Variants in BIVM observed in about 807,000 individuals in gnomAD.
BIVM encodes the protein basic, immunoglobulin-like variable motif containing, also known as basic immunoglobulin-like variable motif-containing protein.
In BIVM, 31 loss-of-function variants were observed where a neutral mutation model predicts 61.4. The observed-to-expected ratio is 0.51, with a 90% CI of 0.38 to 0.68. The LOEUF (loss-of-function observed/expected upper bound fraction) is 0.68, where lower values mean the gene tolerates loss of function less well. BIVM is among the 30% of genes least tolerant of loss of function. The pLI is 0.00. For missense variants in BIVM, 526 were observed against 596.0 expected (o/e 0.88, Z 1.22); for synonymous variants, 189 against 210.7 (o/e 0.90, Z 0.89).
At position 102,821,120 on chromosome 13, in the gene BIVM, T is replaced by A; in HGVS notation, c.689T>A (p.Met230Lys). 1 of 1,612,386 alleles carries A rather than the reference T, an allele frequency of 6.2e-7. No individual in the cohort carries two copies. Among genetic ancestry groups the A allele is most frequent in the Non-Finnish European group, 8.5e-7 (1 of 1,179,604 alleles). ...TGTTGGAATTTCTTATACAGCACAA[T>A]GGGAGCTGGAAAGTAAGTATGTCAA... ...ISCWNFLYST[M>K]GAGNLPPITQ... The change falls in exon 5 of 11, where the codon ATG becomes AAG. Residue 230 changes from methionine (M) to lysine (K), a missense_variant. Physicochemically the swap from Met to Lys is moderately conservative, Grantham distance 95. Coordinates refer to ENST00000257336, the MANE Select transcript of BIVM (RefSeq NM_017693.4).
chr13:102,824,686 G>A (rs1289694336), intron 7 of BIVM, among the ~76,000 whole-genome samples: 1 of 152,096 alleles, frequency 6.6e-6, no homozygotes, highest in African/African-American at 2.4e-5. Flanking sequence ...CTTACTGATG[G>A]ACCTGAAATT....
At chr13:102,838,332 T>C (rs1881621947) in intron 9 of BIVM, among the ~76,000 whole-genome samples, 1 of 152,262 alleles carries the variant, frequency 6.6e-6, no homozygotes, top group African/African-American at 2.4e-5. Context: ...TGGACTTGAC[T>C]GTAATTGAAA....
chr13:102,799,149 C>A lies in BIVM; in HGVS notation c.-579C>A, dbSNP rs957223369. On this transcript the variant is annotated 5_prime_UTR_variant, in exon 1 of 11. Transcript: ENST00000257336. ...GCGACAGGACGAGCGGAAATACTGC[C>A]AGGATTTTACCACCTCTCGCCCATT... is the stretch of plus-strand genomic sequence containing the variant. 1 of 394,086 alleles carries A rather than the reference C, an allele frequency of 2.5e-6. No individual in the cohort carries two copies. The highest frequency in any genetic ancestry group is 2.1e-5 in the African/African-American group (1 of 48,478). The allele number at this position is 394,086 out of a possible 1,614,324, so 24.4% of individuals were successfully genotyped here.
chr13:102,833,164 C>A (rs552550056), intron 8 of BIVM, among the ~76,000 whole-genome samples: 2 of 151,694 alleles, frequency 1.3e-5, no homozygotes, highest in East Asian at 1.9e-4. Flanking sequence ...GAGGCTGAGA[C>A]GGGAGGATCG....
chr13:102,804,556 C>T (rs555794163), intron 1 of BIVM, among the ~76,000 whole-genome samples: 3 of 152,320 alleles, frequency 2.0e-5, no homozygotes, highest in African/African-American at 7.2e-5. Context: ...CATGATCCAC[C>T]CGCCTCGGCC....
rs574196907 is a variant in BIVM, at chr13:102,815,724, T to C, written c.479-704T>C. 5.3e-5 allele frequency among the ~76,000 whole-genome samples: 8 copies of C among 152,302 alleles called. No individual in the cohort carries two copies. In the South Asian group the frequency reaches 1.7e-3, roughly 32 times the overall value. On this transcript the variant is annotated intron_variant, in intron 3 of 10. Coordinates refer to ENST00000257336, the MANE Select transcript of BIVM (RefSeq NM_017693.4). ...CTCCCTTCCCCAGTAGTAACCACTG[T>C]TGTTTGCCTTGAGGGTCTTTTGGAG...
At chr13:102,822,483 C>A (rs182207573) in intron 7 of BIVM, among the ~76,000 whole-genome samples, 2 of 152,246 alleles carry the variant, frequency 1.3e-5, no homozygotes, top group Admixed American at 1.3e-4. Context: ...TGTGTACGCG[C>A]ACATGCTAGT....
chr13:102,821,654 A>T, intron 5 of BIVM, 89 bp from the exon 6 acceptor site: 1 of 1,104,344 alleles, frequency 9.1e-7, no homozygotes, highest in Non-Finnish European at 1.3e-6. Flanking sequence ...ATTATTTGCA[A>T]ATCAGACAAG....
chr13:102,801,929 C>T (rs1878777228), intron 1 of BIVM, among the ~76,000 whole-genome samples: 1 of 151,544 alleles, frequency 6.6e-6, no homozygotes. Context: ...GTAAGGGAGA[C>T]AGTATTGGGA....
intron 4 of BIVM, among the ~76,000 whole-genome samples, chr13:102,819,223 G>C (rs767399223): frequency 3.1e-4 from 47 of 152,228 alleles, no homozygotes; most frequent in Non-Finnish European, 1.5e-4. Context: ...ATAGGGGAAA[G>C]GGGTAAAAGG....
intron 1 of BIVM, among the ~76,000 whole-genome samples, chr13:102,802,448 A>C (rs182404177): frequency 3.9e-5 from 6 of 152,238 alleles, no homozygotes; most frequent in Non-Finnish European, 5.9e-5. Flanking sequence ...GGATTTGGGT[A>C]ATTTCCATTT....
In BIVM at chr13:102,807,716, G is replaced by C; in HGVS notation, c.449G>C (p.Gly150Ala). 1 of 1,612,224 alleles carries C rather than the reference G, an allele frequency of 6.2e-7. No individual in the cohort carries two copies. The highest frequency in any genetic ancestry group is 8.5e-7 in the Non-Finnish European group (1 of 1,179,044). The change falls in exon 3 of 11, where the codon GGG becomes GCG. Residue 150 changes from glycine to alanine, a missense_variant. Around this residue, in one of 3 missense-constraint regions of BIVM, gnomAD observed 312 missense variants for 343.8 expected, o/e 0.91. Coordinates refer to ENST00000257336, the MANE Select transcript of BIVM (RefSeq NM_017693.4). The surrounding 1 kb of genome is among the most constrained non-coding windows in gnomAD (Gnocchi z 4.0). ...AWEIDKSEFD[G>A]VTTNSKHKSG... ...GAAATTGATAAATCTGAATTTGATG[G>C]GGTGACCACAAATTCGAAACACAAA...
intron 7 of BIVM, among the ~76,000 whole-genome samples, chr13:102,827,482 T>A (rs1449338111): frequency 6.6e-6 from 1 of 152,192 alleles, no homozygotes; most frequent in East Asian, 1.9e-4. Context: ...AATATTCGAC[T>A]TTTTACTGCT....
chr13:102,823,165 T>C (rs2139211663), intron 7 of BIVM, among the ~76,000 whole-genome samples: 1 of 152,266 alleles, frequency 6.6e-6, no homozygotes, highest in African/African-American at 2.4e-5. Flanking sequence ...AAGTCTAAGG[T>C]CCAGGCCTGT....
At chr13:102,810,261 G>A (rs765647695) in intron 3 of BIVM, among the ~76,000 whole-genome samples, 6 of 152,086 alleles carry the variant, frequency 3.9e-5, no homozygotes, top group Non-Finnish European at 7.4e-5. Context: ...AGCCACCCCT[G>A]CTCTCTTCTG....
intron 8 of BIVM, among the ~76,000 whole-genome samples, chr13:102,833,461 G>T (rs1881261082): frequency 6.6e-6 from 1 of 151,394 alleles, no homozygotes; most frequent in Non-Finnish European, 1.5e-5. Flanking sequence ...CTGAGTAGCT[G>T]GAACTACAGG....
Position 102,807,589 on chromosome 13 carries a change from A to G in BIVM, c.322A>G (p.Arg108Gly), listed in dbSNP as rs1038722578. 12 of 1,614,106 alleles carry G rather than the reference A, an allele frequency of 7.4e-6. No individual in the cohort carries two copies. Among genetic ancestry groups the G allele is most frequent in the East Asian group, 2.2e-5 (1 of 44,900 alleles). ...TTTATCTGCTGGAAATAATTCATCA[A>G]GATACATTGGTATCCCGACTAGTAC... ...TSLSAGNNSSRYIGIPTSTSE... is the reference protein window; with the variant it reads ...TSLSAGNNSSGYIGIPTSTSE... The change falls in exon 3 of 11, where the codon AGA (arginine) becomes GGA (glycine). Residue 108 changes from arginine to glycine, a missense_variant. Coordinates refer to ENST00000257336, the MANE Select transcript of BIVM (RefSeq NM_017693.4). The surrounding 1 kb of genome is among the most constrained non-coding windows in gnomAD (Gnocchi z 4.0).
chr13:102,803,539 G>T (rs1878875195), intron 1 of BIVM, among the ~76,000 whole-genome samples: 1 of 151,974 alleles, frequency 6.6e-6, no homozygotes, highest in Non-Finnish European at 1.5e-5. Flanking sequence ...GTCACACAGA[G>T]AGCTGGTCCC....
In BIVM at chr13:102,816,435, A is replaced by C. The variant is rs749980570; in HGVS notation, c.486A>C (p.Ala162=). ...TATACTCTTGTATTCTAGGCAATGCAAAGAAACAAGTTTCCAAGAGAAAAA... is the reference window on the plus strand; with the variant it reads ...TATACTCTTGTATTCTAGGCAATGCCAAGAAACAAGTTTCCAAGAGAAAAA... ...TTNSKHKSGN[A]KKQVSKRKTS... is the part of the protein sequence containing the mutation. Residue 162 remains alanine (A), a synonymous_variant, in exon 4 of 11, where the codon GCA becomes GCC. Coordinates refer to ENST00000257336, the MANE Select transcript of BIVM (RefSeq NM_017693.4). 8.2e-6 allele frequency: 13 copies of C among 1,579,882 alleles called. No individual in the cohort carries two copies. The highest frequency in any genetic ancestry group is 1.1e-5 in the Non-Finnish European group (13 of 1,168,040).
Sources: gnomAD v4.1 joint callset for allele counts (sites outside exome capture counted in the v4.1 genomes callset) on GRCh38, gnomAD v4.1.1 for gene constraint, gnomAD v4.1.1 regional missense constraint, Gnocchi (gnomAD v3.1) non-coding constraint, MANE v1.5 for transcripts, NCBI Gene and HGNC (gene_info 2026-07-23, HGNC 2026-07-21) for gene names.